The following NSUN2 variants were observed in gnomAD, a reference collection of about 807,000 sequenced individuals.
The protein encoded by NSUN2 is NOP2/Sun RNA methyltransferase 2.
Under a neutral mutation model 92.7 loss-of-function variants are expected in NSUN2, and 63 were observed. The observed-to-expected ratio is 0.68, with a 90% CI of 0.56 to 0.84. The LOEUF (loss-of-function observed/expected upper bound fraction) is 0.84, where lower values mean the gene tolerates loss of function less well. Among genes scored for constraint, NSUN2 ranks in the 40% least tolerant of loss-of-function variants. NSUN2 has a pLI of 0.00. For synonymous variants in NSUN2, 356 were observed against 348.3 expected (o/e 1.02, Z -0.25); for missense variants, 989 against 964.9 (o/e 1.02, Z -0.33).
At chr5:6,622,130 T>C in intron 5 of NSUN2, 30 bp from the exon 6 acceptor site, 1 of 1,567,984 alleles carries the variant, frequency 6.4e-7, no homozygotes, top group Non-Finnish European at 8.7e-7. Context: ...CTGTTTCATG[T>C]TTTTAAAAAA....
chr5:6,624,646 T>C (rs1737579068), intron 4 of NSUN2, among the ~76,000 whole-genome samples: 1 of 152,194 alleles, frequency 6.6e-6, no homozygotes, highest in South Asian at 2.1e-4. Flanking sequence ...AAGTACGAAA[T>C]GGGGTTATGT....
At chr5:6,619,149 T>C (rs561269993) in intron 7 of NSUN2, among the ~76,000 whole-genome samples, 2 of 152,314 alleles carry the variant, frequency 1.3e-5, no homozygotes, top group African/African-American at 4.8e-5. Flanking sequence ...CAAGGAATAC[T>C]GAAAAATTGC....
At chr5:6,625,348 C>A (rs769279575) in intron 4 of NSUN2, among the ~76,000 whole-genome samples, 2 of 152,124 alleles carry the variant, frequency 1.3e-5, no homozygotes, top group Non-Finnish European at 2.9e-5. Flanking sequence ...TAGCTGGCAT[C>A]GATATCCTTA....
chr5:6,606,517 C>G (rs1736776526), intron 14 of NSUN2, among the ~76,000 whole-genome samples: 1 of 152,066 alleles, frequency 6.6e-6, no homozygotes, highest in Non-Finnish European at 1.5e-5. Context: ...AATCTCCTGA[C>G]CTCGTGCTCC....
intron 12 of NSUN2, among the ~76,000 whole-genome samples, chr5:6,607,859 T>A (rs1486390751): frequency 6.6e-6 from 1 of 152,030 alleles, no homozygotes; most frequent in Non-Finnish European, 1.5e-5. Flanking sequence ...AAAGAGAGAG[T>A]GCCCCAGGCA....
intron 17 of NSUN2, 38 bp from the exon 18 acceptor site, chr5:6,602,538 A>C: frequency 6.2e-7 from 1 of 1,607,246 alleles, no homozygotes; most frequent in Middle Eastern, 1.7e-4. Context: ...CAGGTTTTCC[A>C]GGTAGTGGAT....
At chr5:6,622,467 T>C (rs1737485285) in intron 5 of NSUN2, among the ~76,000 whole-genome samples, 1 of 152,316 alleles carries the variant, frequency 6.6e-6, no homozygotes, top group Non-Finnish European at 1.5e-5. Context: ...CCTTGCTTCC[T>C]TTTCCTCATC....
chr5:6,604,075 G>A lies in NSUN2; in HGVS notation c.1957+63C>T. 2.0e-6 allele frequency: 3 copies of A among 1,464,416 alleles called. No homozygotes were observed. The South Asian group carries it at 3.8e-5, about 18-fold the overall frequency. The allele number at this position is 1,464,416 out of a possible 1,614,324, so 90.7% of individuals were successfully genotyped here. ...AAATATGCCCCAACGCACACCACCT[G>A]CATTTTTGCTGGCCTTATAAAGGGA... is the stretch of plus-strand genomic sequence containing the variant. On this transcript the variant is annotated intron_variant, in intron 17 of 18. Transcript: ENST00000264670.
chr5:6,603,872 G>C (rs1174385685), intron 17 of NSUN2: 1 of 372,436 alleles, frequency 2.7e-6, no homozygotes. Flanking sequence ...GGCCAGCCCT[G>C]CACGCCACAC....
Position 6,599,848 on chromosome 5 carries a change from T to G in NSUN2, c.*78A>C. On this transcript the variant is annotated 3_prime_UTR_variant, in exon 19 of 19. Coordinates refer to ENST00000264670, the MANE Select transcript of NSUN2 (RefSeq NM_017755.6). ...TTTACAGGCCACAGGCTGCTCTGGA[T>G]TTGGTTTCAGACACCAGTGACCAGA... The G allele has an allele frequency of 7.8e-7, 1 of 1,288,488 alleles. No homozygotes were observed. The highest frequency in any genetic ancestry group is 1.1e-6 in the Non-Finnish European group (1 of 914,402). 79.8% of individuals were successfully genotyped at this position (1,288,488 alleles called of 1,614,324 possible).
chr5:6,608,597 G>T (rs1736873906), intron 12 of NSUN2, among the ~76,000 whole-genome samples: 1 of 152,216 alleles, frequency 6.6e-6, no homozygotes, highest in South Asian at 2.1e-4. Flanking sequence ...GTTCTAAAAA[G>T]TAAGACTATA....
intron 17 of NSUN2, among the ~76,000 whole-genome samples, chr5:6,603,516 C>T (rs1417193741): frequency 1.3e-5 from 2 of 152,090 alleles, no homozygotes; most frequent in Admixed American, 6.6e-5. Context: ...ACGGTGAAAC[C>T]CCGTCTCTAC....
intron 9 of NSUN2, among the ~76,000 whole-genome samples, chr5:6,614,427 T>TC (rs1254587734): frequency 1.3e-5 from 2 of 152,068 alleles, no homozygotes; most frequent in Non-Finnish European, 2.9e-5. Context: ...TCTTCCTCAC[T>TC]CCCCCGTGCC....
intron 11 of NSUN2, among the ~76,000 whole-genome samples, chr5:6,610,679 C>A (rs1736949783): frequency 9.1e-6 from 1 of 110,142 alleles, no homozygotes; most frequent in African/African-American, 3.0e-5. Flanking sequence ...GTGAGACTCT[C>A]TCTCAAAAAA....
Position 6,611,466 on chromosome 5 carries a change from G to A in NSUN2, c.1095+259C>T, listed in dbSNP as rs867562891. Among the ~76,000 whole-genome samples, 395 of 40,958 alleles carry A rather than the reference G, an allele frequency of 9.6e-3. 3 individuals carry two copies. Among genetic ancestry groups the A allele is most frequent in the Middle Eastern group, 0.015 (1 of 68 alleles). The allele number at this position is 40,958 out of a possible 152,430, so 26.9% of individuals were successfully genotyped here. ...CCCAATTTAAAAAAAAAAAAAAAAA[G>A]CAAAGCTACCCTTACAGGGATGAGA... On this transcript the variant is annotated intron_variant, in intron 10 of 18. Transcript: ENST00000264670.
At chr5:6,630,179 A>T (rs1483534972) in intron 3 of NSUN2, among the ~76,000 whole-genome samples, 1 of 152,182 alleles carries the variant, frequency 6.6e-6, no homozygotes, top group African/African-American at 2.4e-5. Flanking sequence ...AGGCTGAAAA[A>T]CATCTACCTT....
rs59901468 is a variant in NSUN2 at position 6,610,065 on chromosome 5, AT to A, written c.1227-144del. The A allele has an allele frequency of 0.13, 49,551 of 374,180 alleles. 409 individuals are homozygous for A. Among genetic ancestry groups the A allele is most frequent in the South Asian group, 0.23 (5,216 of 23,148 alleles). 23.2% of individuals were successfully genotyped at this position (374,180 alleles called of 1,614,324 possible). ...TAGAATGGCCAATATGTAAACTTAA[AT>A]TTTTTTTTTTTTTTTGAGTCAAGGT... is the stretch of plus-strand genomic sequence containing the variant. On this transcript the variant is annotated intron_variant, in intron 11 of 18. Transcript: ENST00000264670.
At chr5:6,622,436 A>G (rs1737484070) in intron 5 of NSUN2, among the ~76,000 whole-genome samples, 1 of 152,230 alleles carries the variant, frequency 6.6e-6, no homozygotes, top group Admixed American at 6.5e-5. Flanking sequence ...ACAGCTCCGT[A>G]ACCTCAGTTC....
Position 6,622,046 on chromosome 5 carries a change from G to A in NSUN2, c.592C>T (p.Leu198=), listed in dbSNP as rs1039141135. Residue 198 remains leucine, a synonymous_variant, in exon 6 of 19, where the codon CTA becomes TTA. Coordinates refer to ENST00000264670, the MANE Select transcript of NSUN2 (RefSeq NM_017755.6). ...AAGGGGACATTCATGTCGGCATGTA[G>A]CATTTCAATTAACTGTGTGGTCTTT... ...GSKTTQLIEM[L]HADMNVPFPE... is the part of the protein sequence containing the mutation. 6.2e-7 allele frequency: 1 copy of A among 1,613,974 alleles called. No homozygotes were observed.
Sources: gnomAD v4.1 joint callset for allele counts (sites outside exome capture counted in the v4.1 genomes callset) on GRCh38, gnomAD v4.1.1 for gene constraint, MANE v1.5 for transcripts, NCBI Gene and HGNC (gene_info 2026-07-23, HGNC 2026-07-21) for gene names.